ZRANB3: variants seen among roughly 807,000 people sequenced by gnomAD.
The protein encoded by ZRANB3 is DNA annealing helicase and endonuclease ZRANB3.
ZRANB3 carries 125 observed loss-of-function variants against 133.8 expected under a neutral mutation model. That is an observed-to-expected ratio of 0.93 (90% CI 0.81 to 1.08). The LOEUF is 1.08. ZRANB3 is among the 50% of genes least tolerant of loss of function. ZRANB3 has a pLI of 0.00. For missense variants in ZRANB3, 1,229 were observed against 1,275.5 expected, an observed-to-expected ratio of 0.96 and a Z score of 0.56; for synonymous variants, 387 against 432.7, an observed-to-expected ratio of 0.89 and a Z score of 1.31.
intron 1 of ZRANB3, chr2:135,511,170 T>C: frequency 1.3e-6 from 1 of 782,732 alleles, no homozygotes; most frequent in Non-Finnish European, 2.4e-6. Flanking sequence ...GGGTTGAAGG[T>C]TGTTACTGGT....
intron 19 of ZRANB3, among the ~76,000 whole-genome samples, chr2:135,207,036 A>G (rs1414009926): frequency 1.3e-5 from 2 of 151,980 alleles, no homozygotes; most frequent in Admixed American, 1.3e-4. Context: ...GTGGTGGCAC[A>G]TGCCTGTAAT....
At chr2:135,429,410 G>A (rs1283620559) in intron 2 of ZRANB3, among the ~76,000 whole-genome samples, 1 of 151,950 alleles carries the variant, frequency 6.6e-6, no homozygotes, top group Non-Finnish European at 1.5e-5. Context: ...GGAGGGAGAG[G>A]ATCAGGTACT....
intron 8 of ZRANB3, among the ~76,000 whole-genome samples, chr2:135,294,500 G>A (rs1681932538): frequency 6.6e-6 from 1 of 151,766 alleles, no homozygotes; most frequent in Non-Finnish European, 1.5e-5. Context: ...TTCTTTATTA[G>A]TCTTGCTAGC....
chr2:135,272,866 A>G (rs1306567961), intron 9 of ZRANB3, among the ~76,000 whole-genome samples: 3 of 152,052 alleles, frequency 2.0e-5, no homozygotes, highest in Non-Finnish European at 4.4e-5. Flanking sequence ...GGGGGTTATC[A>G]CTATGTGTTA....
At chr2:135,523,035 CAT>C (rs1247055710) in intron 1 of ZRANB3, among the ~76,000 whole-genome samples, 1 of 152,198 alleles carries the variant, frequency 6.6e-6, no homozygotes, top group East Asian at 1.9e-4. Context: ...ACCTACCTGA[CAT>C]TTTGGATATC....
At chr2:135,526,129 T>G (rs1259075119) in intron 1 of ZRANB3, among the ~76,000 whole-genome samples, 1 of 151,858 alleles carries the variant, frequency 6.6e-6, no homozygotes, top group Non-Finnish European at 1.5e-5. Context: ...ACAAGGTACA[T>G]TTAATTGTAC....
intron 2 of ZRANB3, among the ~76,000 whole-genome samples, chr2:135,418,678 A>T (rs2104965416): frequency 6.6e-6 from 1 of 152,272 alleles, no homozygotes; most frequent in East Asian, 1.9e-4. Flanking sequence ...TGAAACAAGA[A>T]CTGAAAATGA....
At position 135,280,529 on chromosome 2, in the gene ZRANB3, T is replaced by C. The variant is rs868056581; in HGVS notation, c.967-4774A>G. On this transcript the variant is annotated intron_variant, in intron 8 of 20. Transcript: ENST00000264159. ...TTGCGGTGAGCTGAGATCACACCAT[T>C]GCACTCCAGCCTGGGCAACAAGAGT... Among the ~76,000 whole-genome samples the C allele has an allele frequency of 2.2e-4, 34 of 152,216 alleles. 2 individuals are homozygous for C. Among genetic ancestry groups the C allele is most frequent in the Middle Eastern group, 6.8e-3 (2 of 294 alleles).
intron 12 of ZRANB3, among the ~76,000 whole-genome samples, chr2:135,248,288 G>C (rs535490235): frequency 6.6e-6 from 1 of 152,180 alleles, no homozygotes; most frequent in African/African-American, 2.4e-5. Flanking sequence ...GTAGCTGCTC[G>C]GCAACTCCCT....
chr2:135,216,580 T>C (rs1172453571), intron 17 of ZRANB3, among the ~76,000 whole-genome samples: 3 of 151,804 alleles, frequency 2.0e-5, no homozygotes, highest in East Asian at 1.9e-4. Context: ...GCTAGAACTA[T>C]AGGAGTGTGC....
chr2:135,372,422 T>C (rs568758763), intron 3 of ZRANB3, among the ~76,000 whole-genome samples: 2 of 152,250 alleles, frequency 1.3e-5, no homozygotes, highest in African/African-American at 4.8e-5. Flanking sequence ...CTTAAAGGAA[T>C]ATCTGCTACT....
intron 2 of ZRANB3, among the ~76,000 whole-genome samples, chr2:135,414,071 T>A (rs1055788378): frequency 3.3e-5 from 5 of 151,440 alleles, no homozygotes; most frequent in African/African-American, 1.2e-4. Flanking sequence ...CCAGCTAACA[T>A]CATAATGGCA....
chr2:135,296,871 A>G (rs982995557), intron 8 of ZRANB3, among the ~76,000 whole-genome samples: 2 of 152,192 alleles, frequency 1.3e-5, no homozygotes, highest in Non-Finnish European at 2.9e-5. Context: ...GGGTATCAGC[A>G]GCGGTGGCTG....
intron 6 of ZRANB3, 22 bp downstream of exon 6, chr2:135,345,528 T>A: frequency 3.2e-6 from 5 of 1,560,312 alleles, no homozygotes; most frequent in Non-Finnish European, 4.4e-6. Flanking sequence ...GGAAAAAATT[T>A]ACGGAAAATA....
At chr2:135,417,597 C>T (rs2104963888) in intron 2 of ZRANB3, among the ~76,000 whole-genome samples, 1 of 152,286 alleles carries the variant, frequency 6.6e-6, no homozygotes, top group South Asian at 2.1e-4. Context: ...TTGACCCAGC[C>T]ATCCCATTAC....
At position 135,246,181 on chromosome 2, in the gene ZRANB3, G is replaced by T. The variant is rs143321907; in HGVS notation, c.1540-15254C>A. Among the ~76,000 whole-genome samples the T allele has an allele frequency of 9.3e-5, 14 of 151,278 alleles. No individual in the cohort carries two copies. In the East Asian group the frequency reaches 2.8e-3, roughly 30 times the overall value. ...AGCCTCCCAAAGTGCTGGGATTACA[G>T]GTGTGAGCCACAGTGCCTGGCCATC... is the stretch of plus-strand genomic sequence containing the variant. On this transcript the variant is annotated intron_variant, in intron 12 of 20. Transcript: ENST00000264159.
chr2:135,354,711 C>T (rs1276033627), intron 3 of ZRANB3, among the ~76,000 whole-genome samples: 1 of 152,096 alleles, frequency 6.6e-6, no homozygotes, highest in Non-Finnish European at 1.5e-5. Context: ...TTATATGTCT[C>T]ATTCTGGAAA....
At chr2:135,266,443 G>T (rs1055053345) in intron 11 of ZRANB3, among the ~76,000 whole-genome samples, 7 of 152,088 alleles carry the variant, frequency 4.6e-5, no homozygotes, top group Non-Finnish European at 8.8e-5. Flanking sequence ...ATCCAGGAAA[G>T]AATTAACTAA....
rs1573862124 is a variant in ZRANB3 at position 135,298,170 on chromosome 2, G to C, written c.966+15319C>G. On this transcript the variant is annotated intron_variant, in intron 8 of 20. Coordinates refer to ENST00000264159, the MANE Select transcript of ZRANB3 (RefSeq NM_032143.4). ...TTGAACCCGGGAGGCAGAGGGTGCA[G>C]TGAGCCAAGATCGTACCACTGCACT... Among the ~76,000 whole-genome samples the C allele has an allele frequency of 4.6e-5, 7 of 152,156 alleles. No individual in the cohort carries two copies. In the South Asian group the frequency reaches 1.4e-3, roughly 32 times the overall value.
Sources: allele counts gnomAD v4.1 joint callset (sites outside exome capture counted in the v4.1 genomes callset), GRCh38; gene constraint gnomAD v4.1.1; transcripts MANE v1.5; gene names NCBI Gene and HGNC (gene_info 2026-07-23, HGNC 2026-07-21).